GRIK1: variants seen among roughly 807,000 people sequenced by gnomAD.
GRIK1 encodes glutamate ionotropic receptor kainate type subunit 1, also known as glutamate receptor ionotropic, kainate 1.
Under a neutral mutation model 105.7 loss-of-function variants are expected in GRIK1, and 69 were observed. The observed-to-expected ratio is 0.65, with a 90% CI of 0.54 to 0.80. The LOEUF is 0.80. GRIK1 is among the 30% of genes least tolerant of loss of function. GRIK1 has a pLI of 0.00. For synonymous variants in GRIK1, 438 were observed against 431.3 expected, an observed-to-expected ratio of 1.02 and a Z score of -0.19; for missense variants, 1,109 against 1,167.3, an observed-to-expected ratio of 0.95 and a Z score of 0.73.
intron 1 of GRIK1, among the ~76,000 whole-genome samples, chr21:29,910,440 G>A (rs569008902): frequency 6.6e-6 from 1 of 152,186 alleles, no homozygotes; most frequent in Admixed American, 6.6e-5. Flanking sequence ...GAGAAGGGCA[G>A]AAATTAGCAA....
At chr21:29,783,621 A>G (rs1382585161) in intron 1 of GRIK1, among the ~76,000 whole-genome samples, 1 of 152,196 alleles carries the variant, frequency 6.6e-6, no homozygotes, top group East Asian at 1.9e-4. Context: ...GAGATCAGTA[A>G]CATAGGGTTC....
chr21:29,606,695 C>A (rs74431277), intron 7 of GRIK1, among the ~76,000 whole-genome samples: 4,372 of 114,600 alleles, frequency 0.038, 102 homozygotes, highest in Middle Eastern at 0.071. Context: ...CAAAACAAAA[C>A]AAAAAAAACA....
chr21:29,800,742 T>C (rs559194604), intron 1 of GRIK1, among the ~76,000 whole-genome samples: 1 of 152,304 alleles, frequency 6.6e-6, no homozygotes, highest in Admixed American at 6.5e-5. Flanking sequence ...GTATAAGACA[T>C]GGTCTATACC....
intron 7 of GRIK1, among the ~76,000 whole-genome samples, chr21:29,636,188 A>G (rs1395086679): frequency 6.6e-6 from 1 of 152,232 alleles, no homozygotes; most frequent in Non-Finnish European, 1.5e-5. Flanking sequence ...AGTCTTCCAG[A>G]AGGATCAGTC....
chr21:29,814,411 C>T (rs2067098343), intron 1 of GRIK1, among the ~76,000 whole-genome samples: 2 of 151,886 alleles, frequency 1.3e-5, no homozygotes, highest in Admixed American at 6.6e-5. Flanking sequence ...ATGCTGGGTG[C>T]TTGGTGAGCA....
chr21:29,637,592 C>A (rs2062423284), intron 7 of GRIK1, among the ~76,000 whole-genome samples: 1 of 152,152 alleles, frequency 6.6e-6, no homozygotes, highest in Admixed American at 6.5e-5. Flanking sequence ...TGAGAGATTC[C>A]TTGCCCCTTT....
At chr21:29,901,408 A>G (rs2070402561) in intron 1 of GRIK1, among the ~76,000 whole-genome samples, 1 of 152,146 alleles carries the variant, frequency 6.6e-6, no homozygotes, top group South Asian at 2.1e-4. Context: ...TAGCAAAACT[A>G]ATGAAGAAAA....
chr21:29,936,501 G>A (rs1254002165), intron 1 of GRIK1, among the ~76,000 whole-genome samples: 3 of 152,194 alleles, frequency 2.0e-5, no homozygotes, highest in Middle Eastern at 3.4e-3. Flanking sequence ...GATATACACT[G>A]GTGTATACAG....
chr21:29,812,281 G>T (rs912006207), intron 1 of GRIK1, among the ~76,000 whole-genome samples: 2 of 152,120 alleles, frequency 1.3e-5, no homozygotes, highest in Non-Finnish European at 2.9e-5. Flanking sequence ...GAATAAGAAA[G>T]ACAGGCATGG....
chr21:29,921,294 G>C (rs755978430), intron 1 of GRIK1, among the ~76,000 whole-genome samples: 1 of 152,166 alleles, frequency 6.6e-6, no homozygotes, highest in Non-Finnish European at 1.5e-5. Context: ...GTAATGGAAA[G>C]GGTGCTGTTG....
intron 1 of GRIK1, among the ~76,000 whole-genome samples, chr21:29,791,207 G>A (rs1263742367): frequency 6.6e-6 from 1 of 152,112 alleles, no homozygotes; most frequent in Non-Finnish European, 1.5e-5. Flanking sequence ...TGTGGTAAGG[G>A]ACGAGAAATT....
At chr21:29,939,191 C>A (rs1389801751) in intron 1 of GRIK1, among the ~76,000 whole-genome samples, 192 bp downstream of exon 1, 1 of 152,192 alleles carries the variant, frequency 6.6e-6, no homozygotes, top group African/African-American at 2.4e-5. Context: ...CCGGGGAAGG[C>A]CGGCACCCTC....
At chr21:29,920,156 C>T (rs1046687092) in intron 1 of GRIK1, among the ~76,000 whole-genome samples, 2 of 152,094 alleles carry the variant, frequency 1.3e-5, no homozygotes, top group East Asian at 1.9e-4. Flanking sequence ...GAACATTCTA[C>T]TTCATTTCTC....
intron 3 of GRIK1, among the ~76,000 whole-genome samples, chr21:29,688,387 C>T (rs1018969613): frequency 1.2e-4 from 18 of 152,132 alleles, no homozygotes; most frequent in African/African-American, 2.4e-4. Context: ...TAGTGCTTGG[C>T]GAAAGGGGCA....
At chr21:29,743,253 T>G (rs2064972468) in intron 1 of GRIK1, among the ~76,000 whole-genome samples, 1 of 152,180 alleles carries the variant, frequency 6.6e-6, no homozygotes, top group African/African-American at 2.4e-5. Flanking sequence ...TCTTGCAACT[T>G]TTCTCATGCT....
rs1002364806 is a variant in GRIK1, at chr21:29,768,080, C to T, written c.119-74017G>A. ...GTAGAAAGGAGCAAAAAGTGCTTTC[C>T]CTCATGCAAGGTGCTTGAAGGTGTT... is the stretch of plus-strand genomic sequence containing the variant. On this transcript the variant is annotated intron_variant, in intron 1 of 17. Coordinates refer to ENST00000327783, the MANE Select transcript of GRIK1 (RefSeq NM_001330994.2). Among the ~76,000 whole-genome samples the T allele has an allele frequency of 2.6e-5, 4 of 152,216 alleles. No homozygotes were observed. In the South Asian group the frequency reaches 8.3e-4, roughly 32 times the overall value.
intron 1 of GRIK1, among the ~76,000 whole-genome samples, chr21:29,909,951 G>A (rs1249855767): frequency 1.3e-5 from 2 of 152,040 alleles, no homozygotes; most frequent in East Asian, 3.9e-4. Context: ...ATATAATACT[G>A]TACAATGGCA....
chr21:29,680,005 T>C (rs1211839194), intron 3 of GRIK1, among the ~76,000 whole-genome samples: 1 of 152,220 alleles, frequency 6.6e-6, no homozygotes, highest in Admixed American at 6.5e-5. Flanking sequence ...GGAGGGAATA[T>C]GCTCGCTATC....
chr21:29,683,495 G>A (rs1349724765), intron 3 of GRIK1, among the ~76,000 whole-genome samples: 1 of 152,218 alleles, frequency 6.6e-6, no homozygotes, highest in Non-Finnish European at 1.5e-5. Flanking sequence ...GCAGCTGGAG[G>A]CCGTTATCCT....
Sources: gnomAD v4.1 joint callset for allele counts (sites outside exome capture counted in the v4.1 genomes callset) on GRCh38, gnomAD v4.1.1 for gene constraint, MANE v1.5 for transcripts, NCBI Gene and HGNC (gene_info 2026-07-23, HGNC 2026-07-21) for gene names.